The following DOCK4 variants were observed in gnomAD, a reference collection of about 807,000 sequenced individuals.
DOCK4 encodes the protein dedicator of cytokinesis protein 4.
A neutral mutation model predicts 268.1 loss-of-function variants in DOCK4; 97 were observed. The observed-to-expected ratio is 0.36, with a 90% CI of 0.31 to 0.43. The LOEUF (loss-of-function observed/expected upper bound fraction) is 0.43. Ranked by LOEUF, DOCK4 falls within the 20% of genes least tolerant of loss-of-function variation. DOCK4 has a pLI of 1.00. For synonymous variants in DOCK4, 954 were observed against 887.2 expected, an observed-to-expected ratio of 1.08 and a Z score of -1.34; for missense variants, 2,145 against 2,455.7, an observed-to-expected ratio of 0.87 and a Z score of 2.67.
intron 1 of DOCK4, among the ~76,000 whole-genome samples, chr7:112,146,032 A>G (rs749205677): frequency 2.0e-5 from 3 of 152,186 alleles, no homozygotes; most frequent in Admixed American, 6.5e-5. Context: ...ATACCTCCCA[A>G]AGCCAGAAGT....
intron 23 of DOCK4, among the ~76,000 whole-genome samples, chr7:111,856,022 T>G (rs935419614): frequency 4.6e-5 from 7 of 152,178 alleles, no homozygotes; most frequent in Non-Finnish European, 8.8e-5. Flanking sequence ...CAGTCTGGTT[T>G]ACAATGACTC....
chr7:112,050,203 G>A (rs1029067198), intron 1 of DOCK4, among the ~76,000 whole-genome samples: 1 of 152,110 alleles, frequency 6.6e-6, no homozygotes, highest in Non-Finnish European at 1.5e-5. Flanking sequence ...AGAATTTAAA[G>A]AGGCCTCTCT....
chr7:112,191,563 A>G (rs1011773093), intron 1 of DOCK4, among the ~76,000 whole-genome samples: 1 of 152,226 alleles, frequency 6.6e-6, no homozygotes, highest in Non-Finnish European at 1.5e-5. Context: ...TAACACTAGT[A>G]TCTTATTTAA....
At chr7:111,766,997 C>T (rs1797799463) in intron 38 of DOCK4, 35 bp downstream of exon 38, 1 of 1,531,824 alleles carries the variant, frequency 6.5e-7, no homozygotes, top group Non-Finnish European at 9.0e-7. Flanking sequence ...CAAAGGGAGG[C>T]TATGGCCTGA....
At position 112,147,834 on chromosome 7, in the gene DOCK4, G is replaced by A. The variant is rs555896594; in HGVS notation, c.37+58268C>T. Among the ~76,000 whole-genome samples the A allele has an allele frequency of 1.1e-4, 12 of 111,172 alleles. No homozygotes were observed. The South Asian group carries it at 2.7e-3, about 25-fold the overall frequency. The allele number at this position is 111,172 out of a possible 152,430, so 72.9% of individuals were successfully genotyped here. ...TTTTTTTTTTTTTTTTTGATAAAGA[G>A]AAGCCACCACCAGGAGGAGGCTTGA... On this transcript the variant is annotated intron_variant, in intron 1 of 52. Coordinates refer to ENST00000428084, the MANE Select transcript of DOCK4 (RefSeq NM_001363540.2).
At chr7:111,914,000 G>A (rs1037381309) in intron 13 of DOCK4, among the ~76,000 whole-genome samples, 5 of 152,164 alleles carry the variant, frequency 3.3e-5, no homozygotes, top group African/African-American at 4.8e-5. Flanking sequence ...GTGCAGTGGA[G>A]AACAAAGACT....
intron 1 of DOCK4, among the ~76,000 whole-genome samples, chr7:112,146,385 T>A (rs1312984544): frequency 6.6e-6 from 1 of 152,142 alleles, no homozygotes; most frequent in African/African-American, 2.4e-5. Context: ...AAGTGTTAAA[T>A]AAAATAGAGG....
intron 1 of DOCK4, among the ~76,000 whole-genome samples, chr7:112,019,015 C>A (rs1430708098): frequency 1.6e-4 from 25 of 152,140 alleles, no homozygotes; most frequent in Admixed American, 1.6e-3. Context: ...AATGTGCATG[C>A]CCTTGGTGCT....
intron 1 of DOCK4, among the ~76,000 whole-genome samples, chr7:112,093,440 C>T (rs1339187695): frequency 6.6e-6 from 1 of 151,508 alleles, no homozygotes; most frequent in East Asian, 1.9e-4. Context: ...AGTCATCATA[C>T]ATTTAAAGGG....
chr7:112,115,859 T>C (rs1030816829), intron 1 of DOCK4, among the ~76,000 whole-genome samples: 3 of 152,198 alleles, frequency 2.0e-5, no homozygotes, highest in African/African-American at 7.2e-5. Flanking sequence ...TTTTTACTTT[T>C]TGTAGAGAAA....
rs778974150 is a variant in DOCK4, at chr7:111,769,486, C to A, written c.3828+43G>T. On this transcript the variant is annotated intron_variant, in intron 37 of 52. Coordinates refer to ENST00000428084, the MANE Select transcript of DOCK4 (RefSeq NM_001363540.2). ...AATGAAAGGGAAAGGGACATCAACA[C>A]CATCACCCCAGGAGGGACCCCGGGC... 6.2e-6 allele frequency: 10 copies of A among 1,608,740 alleles called. No homozygotes were observed. The Admixed American group carries it at 6.7e-5, about 11-fold the overall frequency.
intron 30 of DOCK4, among the ~76,000 whole-genome samples, chr7:111,804,366 G>A (rs1260345322): frequency 6.6e-6 from 1 of 152,140 alleles, no homozygotes; most frequent in East Asian, 1.9e-4. Flanking sequence ...TTCCACTTAC[G>A]TGAGGTACCT....
chr7:112,004,765 C>T (rs1274377619), intron 1 of DOCK4, among the ~76,000 whole-genome samples: 2 of 152,202 alleles, frequency 1.3e-5, no homozygotes, highest in African/African-American at 4.8e-5. Flanking sequence ...TCTAAACACA[C>T]AGCCACCACA....
chr7:111,885,500 A>ACT (rs1491499651), intron 16 of DOCK4, among the ~76,000 whole-genome samples: 2 of 152,190 alleles, frequency 1.3e-5, no homozygotes. Context: ...AAGCACAGCT[A>ACT]AAGTGTTACC....
In DOCK4 at chr7:111,728,733, G is replaced by C. The variant is rs1794848171; in HGVS notation, c.5482-13C>G. ...ACTGCACAGAGCCCTGCTCCGGGGA[G>C]AAGGAAACGAGAGGGAGACACAGCA... On this transcript the variant is annotated splice_polypyrimidine_tract_variant and intron_variant, in intron 52 of 52. Coordinates refer to ENST00000428084, the MANE Select transcript of DOCK4 (RefSeq NM_001363540.2). 6.3e-7 allele frequency: 1 copy of C among 1,592,640 alleles called. No homozygotes were observed. Among genetic ancestry groups the C allele is most frequent in the Non-Finnish European group, 8.6e-7 (1 of 1,168,618 alleles).
intron 12 of DOCK4, among the ~76,000 whole-genome samples, chr7:111,916,578 C>T (rs879922740): frequency 4.6e-5 from 7 of 151,838 alleles, no homozygotes; most frequent in Admixed American, 2.6e-4. Context: ...TTATTTTTAC[C>T]CCAATTATAA....
At chr7:111,765,655 C>T (rs1585917032) in intron 38 of DOCK4, among the ~76,000 whole-genome samples, 1 of 152,178 alleles carries the variant, frequency 6.6e-6, no homozygotes. Flanking sequence ...GCCAGATGTA[C>T]TTACCTGTGG....
At chr7:112,112,607 G>A (rs1490122081) in intron 1 of DOCK4, among the ~76,000 whole-genome samples, 2 of 151,692 alleles carry the variant, frequency 1.3e-5, no homozygotes, top group Non-Finnish European at 2.9e-5. Flanking sequence ...TAGTGCCACT[G>A]CACTCCAGCC....
chr7:111,996,265 G>T (rs1451457392), intron 4 of DOCK4, among the ~76,000 whole-genome samples: 1 of 152,096 alleles, frequency 6.6e-6, no homozygotes, highest in African/African-American at 2.4e-5. Flanking sequence ...GTTGATTGGG[G>T]GTTGTCCAAG....
Sources: gnomAD v4.1 joint callset for allele counts (sites outside exome capture counted in the v4.1 genomes callset) on GRCh38, gnomAD v4.1.1 for gene constraint, MANE v1.5 for transcripts, NCBI Gene and HGNC (gene_info 2026-07-23, HGNC 2026-07-21) for gene names.